Variants in DOCK1 observed in about 807,000 individuals in gnomAD.
DOCK1 encodes dedicator of cytokinesis 1, also known as dedicator of cytokinesis protein 1.
DOCK1 carries 138 observed loss-of-function variants against 262.7 expected under a neutral mutation model. The ratio of observed to expected loss-of-function variants is 0.53; its 90% CI spans 0.46 to 0.61. The LOEUF is 0.61. DOCK1 is among the 20% of genes least tolerant of loss of function. The probability of loss-of-function intolerance (pLI) is 0.00; values close to 1 mark genes in which losing one functional copy is unlikely to be tolerated. For synonymous variants in DOCK1, 866 were observed against 867.4 expected (o/e 1.00, Z 0.03); for missense variants, 1,908 against 2,370.7 (o/e 0.80, Z 4.05).
chr10:127,315,118 C>T (rs1024334971), intron 29 of DOCK1, among the ~76,000 whole-genome samples: 3 of 152,164 alleles, frequency 2.0e-5, no homozygotes, highest in African/African-American at 4.8e-5. Context: ...TTCCTAATGT[C>T]AGTGAGGTTA....
At chr10:127,391,290 G>A (rs576294488) in intron 38 of DOCK1, among the ~76,000 whole-genome samples, 2 of 152,198 alleles carry the variant, frequency 1.3e-5, no homozygotes, top group South Asian at 2.1e-4. Context: ...AGTTACCAGC[G>A]GGAACCTGGA....
intron 28 of DOCK1, among the ~76,000 whole-genome samples, chr10:127,251,364 A>G (rs1220398848): frequency 6.6e-6 from 1 of 151,514 alleles, no homozygotes. Context: ...TGGCCAAAAC[A>G]CTTTCCATTT....
chr10:126,988,978 C>A (rs1364416481), intron 5 of DOCK1, among the ~76,000 whole-genome samples: 1 of 150,476 alleles, frequency 6.6e-6, no homozygotes, highest in Non-Finnish European at 1.5e-5. Flanking sequence ...GAAGCTTAGG[C>A]AGGAGAATTG....
intron 27 of DOCK1, chr10:127,146,053 C>T (rs776977517): frequency 3.5e-5 from 18 of 518,280 alleles, no homozygotes; most frequent in African/African-American, 2.9e-4. Flanking sequence ...CCCTAGACAT[C>T]GTGGCCAGGA....
intron 29 of DOCK1, among the ~76,000 whole-genome samples, chr10:127,277,749 C>T (rs148037740): frequency 3.9e-5 from 6 of 151,962 alleles, no homozygotes; most frequent in African/African-American, 7.3e-5. Flanking sequence ...GGTGACAGAG[C>T]GAGACTCCAT....
intron 35 of DOCK1, among the ~76,000 whole-genome samples, chr10:127,374,744 A>T (rs774337011): frequency 6.6e-6 from 1 of 152,174 alleles, no homozygotes; most frequent in Non-Finnish European, 1.5e-5. Context: ...GAGACAAAAG[A>T]GAAGACACAG....
intron 27 of DOCK1, among the ~76,000 whole-genome samples, chr10:127,183,530 C>A (rs1222343745): frequency 6.6e-6 from 1 of 152,146 alleles, no homozygotes; most frequent in Non-Finnish European, 1.5e-5. Context: ...AAGCTGATAG[C>A]CAAATGTAGA....
At chr10:127,121,548 C>T (rs1266945565) in intron 25 of DOCK1, among the ~76,000 whole-genome samples, 1 of 151,574 alleles carries the variant, frequency 6.6e-6, no homozygotes, top group East Asian at 1.9e-4. Context: ...GATTTGCTAT[C>T]TTAAGACAAA....
chr10:127,272,862 A>G (rs1466177335), intron 29 of DOCK1, among the ~76,000 whole-genome samples: 1 of 152,226 alleles, frequency 6.6e-6, no homozygotes, highest in Non-Finnish European at 1.5e-5. Flanking sequence ...TCTTCTTTTT[A>G]AAACCCTCAG....
intron 31 of DOCK1, among the ~76,000 whole-genome samples, chr10:127,350,650 TC>T (rs1188234289): frequency 6.6e-6 from 1 of 152,216 alleles, no homozygotes; most frequent in Non-Finnish European, 1.5e-5. Flanking sequence ...TTATTAATGT[TC>T]GTCTCTCCTA....
At position 127,103,430 on chromosome 10, in the gene DOCK1, A is replaced by G. The variant is rs545826209; in HGVS notation, c.2446-2801A>G. ...TTGTTAAGGTTTTCGGAGCAGGCCT[A>G]AGTGGGTTGAAGAGCGTGGGGTGAA... On this transcript the variant is annotated intron_variant, in intron 23 of 51. Coordinates refer to ENST00000623213, the MANE Select transcript of DOCK1 (RefSeq NM_001290223.2). Among the ~76,000 whole-genome samples, 29 of 152,252 alleles carry G rather than the reference A, an allele frequency of 1.9e-4. No homozygotes were observed. The South Asian group carries it at 5.8e-3, about 31-fold the overall frequency.
At chr10:127,201,284 T>A (rs1385111739) in intron 27 of DOCK1, among the ~76,000 whole-genome samples, 1 of 152,224 alleles carries the variant, frequency 6.6e-6, no homozygotes, top group Non-Finnish European at 1.5e-5. Flanking sequence ...AGACTCTCGC[T>A]TTGTGTAAAG....
intron 38 of DOCK1, among the ~76,000 whole-genome samples, chr10:127,400,638 C>A (rs984306073): frequency 6.6e-6 from 1 of 152,230 alleles, no homozygotes; most frequent in African/African-American, 2.4e-5. Flanking sequence ...GCCCACCTGA[C>A]AAGGTGATTG....
intron 1 of DOCK1, among the ~76,000 whole-genome samples, chr10:126,907,707 A>G (rs1365864088): frequency 1.3e-5 from 2 of 152,032 alleles, no homozygotes; most frequent in Non-Finnish European, 2.9e-5. Flanking sequence ...ATGTTCGTAG[A>G]TGGGAGAACG....
At chr10:127,052,248 C>T (rs1020070191) in intron 21 of DOCK1, among the ~76,000 whole-genome samples, 2 of 152,110 alleles carry the variant, frequency 1.3e-5, no homozygotes, top group Admixed American at 6.6e-5. Flanking sequence ...TTTTACAGGC[C>T]GTGCAGTGGC....
chr10:127,153,231 T>C (rs1375893680), intron 27 of DOCK1, among the ~76,000 whole-genome samples: 1 of 152,252 alleles, frequency 6.6e-6, no homozygotes, highest in Admixed American at 6.5e-5. Context: ...AGGTTTTGAC[T>C]ATATCTTAAA....
intron 1 of DOCK1, among the ~76,000 whole-genome samples, chr10:126,948,857 G>C (rs959036079): frequency 4.6e-5 from 7 of 152,182 alleles, no homozygotes; most frequent in Admixed American, 3.3e-4. Context: ...CCTGAGGTTG[G>C]GGATATGTGT....
chr10:127,330,248 GC>G (rs1291466000), intron 29 of DOCK1, among the ~76,000 whole-genome samples: 1 of 152,108 alleles, frequency 6.6e-6, no homozygotes, highest in East Asian at 1.9e-4. Flanking sequence ...AACTTTTCAG[GC>G]CTTGGCAAAA....
chr10:127,199,060 A>G lies in DOCK1; in HGVS notation c.2848-48948A>G, dbSNP rs534850751. Among the ~76,000 whole-genome samples, 32 of 145,588 alleles carry G rather than the reference A, an allele frequency of 2.2e-4. 1 individual carries two copies. Among genetic ancestry groups the G allele is most frequent in the African/African-American group, 6.9e-4 (27 of 38,998 alleles). On this transcript the variant is annotated intron_variant, in intron 27 of 51. Transcript: ENST00000623213. ...AGTCAATATGCTCGGCTTCCTCAGG[A>G]AAAAAAAAAAGTGAAACTTGATAGA...
Sources: gnomAD v4.1 joint callset for allele counts (sites outside exome capture counted in the v4.1 genomes callset) on GRCh38, gnomAD v4.1.1 for gene constraint, MANE v1.5 for transcripts, NCBI Gene and HGNC (gene_info 2026-07-23, HGNC 2026-07-21) for gene names.